Variants in ACACB observed in about 807,000 individuals in gnomAD.
ACACB encodes the protein acetyl-CoA carboxylase beta.
Under a neutral mutation model 278.8 loss-of-function variants are expected in ACACB, and 209 were observed. The ratio of observed to expected loss-of-function variants is 0.75; its 90% CI spans 0.67 to 0.84. The LOEUF is 0.84. ACACB is among the 40% of genes least tolerant of loss of function. The probability of loss-of-function intolerance (pLI) is 0.00; values close to 1 mark genes in which losing one functional copy is unlikely to be tolerated. For missense variants in ACACB, 2,850 were observed against 3,269.0 expected, an observed-to-expected ratio of 0.87 and a Z score of 3.13; for synonymous variants, 1,174 against 1,285.6, an observed-to-expected ratio of 0.91 and a Z score of 1.86.
chr12:109,119,601 A>G (rs1304656896), intron 1 of ACACB, among the ~76,000 whole-genome samples: 1 of 151,578 alleles, frequency 6.6e-6, no homozygotes, highest in Non-Finnish European at 1.5e-5. Context: ...AAAAAAAAAA[A>G]AAAATGATTT....
chr12:109,179,552 T>A (rs1315656506), intron 10 of ACACB, among the ~76,000 whole-genome samples: 1 of 152,190 alleles, frequency 6.6e-6, no homozygotes, highest in Non-Finnish European at 1.5e-5. Context: ...AGTGGTGCGA[T>A]GATAGTTCAC....
At chr12:109,237,971 C>A (rs2046678171) in intron 34 of ACACB, among the ~76,000 whole-genome samples, 1 of 150,120 alleles carries the variant, frequency 6.7e-6, no homozygotes, top group South Asian at 2.1e-4. Flanking sequence ...GAGATGGAGC[C>A]CTTGTACTTC....
At chr12:109,195,106 T>C (rs1385377998) in intron 16 of ACACB, among the ~76,000 whole-genome samples, 2 of 152,132 alleles carry the variant, frequency 1.3e-5, no homozygotes, top group Non-Finnish European at 2.9e-5. Flanking sequence ...AGGCTTGGTG[T>C]CCTAGCCATG....
chr12:109,208,655 A>G (rs749165001), intron 20 of ACACB, among the ~76,000 whole-genome samples: 24 of 152,214 alleles, frequency 1.6e-4, no homozygotes, highest in Admixed American at 1.3e-4. Context: ...CGGAAACAGC[A>G]TAGGGCAGCA....
At position 109,241,169 on chromosome 12, in the gene ACACB, G is replaced by T; in HGVS notation, c.4910G>T (p.Arg1637Leu). 1.9e-6 allele frequency: 3 copies of T among 1,614,072 alleles called. No homozygotes were observed. Among genetic ancestry groups the T allele is most frequent in the East Asian group, 2.2e-5 (1 of 44,876 alleles). ...CAGGCTGAGGTCAAGATCAACATCC[G>T]CCAGACCACCACCGGCAGTGCCGTT... ...VLQAEVKINI[R>L]QTTTGSAVPI... The change falls in exon 36 of 53, where the codon CGC becomes CTC. Residue 1637 changes from arginine (R) to leucine (L), a missense_variant. Around this residue, in one of 3 missense-constraint regions of ACACB, gnomAD observed 2,265 missense variants for 2,561.3 expected, o/e 0.88. Coordinates refer to ENST00000338432, the MANE Select transcript of ACACB (RefSeq NM_001093.4).
intron 46 of ACACB, 81 bp from the exon 47 acceptor site, chr12:109,258,892 G>A: frequency 5.1e-6 from 8 of 1,555,536 alleles, no homozygotes; most frequent in South Asian, 2.4e-5. Context: ...CTGCCATCCA[G>A]AGCGAGGTTC....
rs182781008 is a variant in ACACB, at chr12:109,234,057, G to T, written c.4347+12G>T. The T allele has an allele frequency of 2.5e-6, 4 of 1,588,160 alleles. No individual in the cohort carries two copies. The South Asian group carries it at 3.4e-5, about 13-fold the overall frequency. ...TCGTACAGTCCAAGGTACTCTGGGC[G>T]TGCCTCTGGTTTTGGTGGGGGTTCT... On this transcript the variant is annotated intron_variant, in intron 31 of 52. Transcript: ENST00000338432.
chr12:109,221,762 A>G (rs924252557), intron 24 of ACACB, among the ~76,000 whole-genome samples: 2 of 152,096 alleles, frequency 1.3e-5, no homozygotes, highest in Non-Finnish European at 2.9e-5. Flanking sequence ...TATCTGTAAA[A>G]TGGGAATCAA....
At chr12:109,172,158 G>A in intron 5 of ACACB, 117 bp from the exon 6 acceptor site, 1 of 991,772 alleles carries the variant, frequency 1.0e-6, no homozygotes, top group Non-Finnish European at 1.6e-6. Flanking sequence ...CTGGGCTCAA[G>A]TGATCCTCCT....
At chr12:109,164,383 A>G (rs2043831674) in intron 2 of ACACB, among the ~76,000 whole-genome samples, 1 of 151,418 alleles carries the variant, frequency 6.6e-6, no homozygotes, top group African/African-American at 2.4e-5. Flanking sequence ...CAGGTGCACA[A>G]CTCTGTGTCT....
At chr12:109,177,315 A>G (rs2044312444) in intron 9 of ACACB, among the ~76,000 whole-genome samples, 2 of 152,246 alleles carry the variant, frequency 1.3e-5, no homozygotes, top group African/African-American at 4.8e-5. Context: ...ATAATACCAC[A>G]GTATAATGTG....
At chr12:109,187,562 A>C (rs2136258875) in intron 12 of ACACB, among the ~76,000 whole-genome samples, 1 of 151,390 alleles carries the variant, frequency 6.6e-6, no homozygotes, top group East Asian at 2.0e-4. Context: ...TGGGCTCAAG[A>C]GATCCTTCTG....
chr12:109,185,756 C>T lies in ACACB; in HGVS notation c.1980+16C>T. The T allele has an allele frequency of 6.3e-7, 1 of 1,598,150 alleles. No homozygotes were observed. The highest frequency in any genetic ancestry group is 2.3e-5 in the East Asian group (1 of 44,192). ...CCCAGACGAGGCAAGTTATGGGGGC[C>T]CCTGTGTTTCCACCATCTCAGATCT... On this transcript the variant is annotated intron_variant, in intron 12 of 52. Coordinates refer to ENST00000338432, the MANE Select transcript of ACACB (RefSeq NM_001093.4).
chr12:109,209,378 ACC>A, intron 21 of ACACB, 25 bp downstream of exon 21: 1 of 1,590,162 alleles, frequency 6.3e-7, no homozygotes. Context: ...GCCCAGCCCC[ACC>A]CCACCAGGAT....
chr12:109,216,768 C>A (rs1432690702), intron 23 of ACACB, 28 bp from the exon 24 acceptor site: 1 of 1,613,972 alleles, frequency 6.2e-7, no homozygotes, highest in Non-Finnish European at 8.5e-7. Context: ...CTGAGCTTTA[C>A]CTCTGTGTGG....
chr12:109,265,178 C>T lies in ACACB; in HGVS notation c.7011C>T (p.Asp2337=), dbSNP rs758352184. The change falls in exon 51 of 53, where the codon GAC becomes GAT. Residue 2337 remains aspartate (D), a synonymous_variant. Transcript: ENST00000338432. ...GTCTGCGCCGCCTCCTCCTGGAGGACCAGGTCAAGCAGGAGATCCTGCAGG... is the reference window on the plus strand; with the variant it reads ...GTCTGCGCCGCCTCCTCCTGGAGGATCAGGTCAAGCAGGAGATCCTGCAGG... ...YWRLRRLLLE[D]QVKQEILQAS... 3 of 1,613,848 alleles carry T rather than the reference C, an allele frequency of 1.9e-6. No individual in the cohort carries two copies. The highest frequency in any genetic ancestry group is 2.5e-6 in the Non-Finnish European group (3 of 1,180,010).
chr12:109,160,438 G>A (rs1391971338), intron 2 of ACACB, among the ~76,000 whole-genome samples: 1 of 152,154 alleles, frequency 6.6e-6, no homozygotes, highest in African/African-American at 2.4e-5. Flanking sequence ...GTCCATAGTG[G>A]GCAGCCGAGA....
At chr12:109,254,186 A>G (rs2075259) in intron 43 of ACACB, 28 bp from the exon 44 acceptor site, 1,288,491 of 1,611,184 alleles carry the variant, frequency 0.8, 517,634 homozygotes, top group Admixed American at 0.87. Flanking sequence ...ACCACAGACT[A>G]AGTCAGAGAC....
intron 13 of ACACB, among the ~76,000 whole-genome samples, chr12:109,188,430 C>G (rs1195332523): frequency 7.2e-6 from 1 of 138,650 alleles, no homozygotes; most frequent in East Asian, 2.3e-4. Context: ...CCCGTCCTTC[C>G]TCCTCCCCTT....
Sources: allele counts gnomAD v4.1 joint callset (sites outside exome capture counted in the v4.1 genomes callset), GRCh38; gene constraint gnomAD v4.1.1; regional missense constraint gnomAD v4.1.1; transcripts MANE v1.5; gene names NCBI Gene and HGNC (gene_info 2026-07-23, HGNC 2026-07-21).